The following TJP1 variants were observed in gnomAD, a reference collection of about 807,000 sequenced individuals.
TJP1 encodes the protein tight junction protein ZO-1.
Under a neutral mutation model 194.2 loss-of-function variants are expected in TJP1, and 43 were observed. That is an observed-to-expected ratio of 0.22 (90% CI 0.17 to 0.29). TJP1 has a LOEUF of 0.29. TJP1 is among the 10% of genes least tolerant of loss of function. TJP1 has a pLI of 1.00. For missense variants in TJP1, 1,971 were observed against 2,185.7 expected, an observed-to-expected ratio of 0.90 and a Z score of 1.96; for synonymous variants, 801 against 779.0, an observed-to-expected ratio of 1.03 and a Z score of -0.47.
At position 29,720,555 on chromosome 15, in the gene TJP1, G is replaced by C. The variant is rs772011543; in HGVS notation, c.2566C>G (p.Gln856Glu). ...TDTEGGAYTD[Q>E]ELDETLNDEV... Reference sequence around the variant, plus strand: ...TCATTAAGAGTTTCATCTAGTTCTTGATCAGTGTAGGCCCCGCCTTCTGTG... The same window carrying C: ...TCATTAAGAGTTTCATCTAGTTCTTCATCAGTGTAGGCCCCGCCTTCTGTG... The change falls in exon 19 of 28, where the codon CAA (glutamine) becomes GAA (glutamate). Residue 856 changes from glutamine to glutamate, a missense_variant. Gln to Glu is a conservative substitution (Grantham distance 29). Coordinates refer to ENST00000614355, the MANE Select transcript of TJP1 (RefSeq NM_001330239.4). 3 of 1,614,108 alleles carry C rather than the reference G, an allele frequency of 1.9e-6. No homozygotes were observed. Among genetic ancestry groups the C allele is most frequent in the Non-Finnish European group, 2.5e-6 (3 of 1,180,022 alleles).
intron 24 of TJP1, 141 bp from the exon 25 acceptor site, chr15:29,709,177 C>G: frequency 1.3e-6 from 1 of 755,888 alleles, no homozygotes; most frequent in South Asian, 1.8e-5. Context: ...GCCCTGGAGG[C>G]TAGGTGTGAT....
intron 2 of TJP1, among the ~76,000 whole-genome samples, chr15:29,781,517 A>G (rs902435406): frequency 6.6e-6 from 1 of 152,192 alleles, no homozygotes; most frequent in African/African-American, 2.4e-5. Flanking sequence ...CACAAAAAAC[A>G]AAACTTCAGG....
At chr15:29,772,009 G>T in intron 4 of TJP1, 55 bp downstream of exon 4, 2 of 1,085,828 alleles carry the variant, frequency 1.8e-6, no homozygotes, top group East Asian at 2.5e-5. Context: ...TACCAGAAAT[G>T]TATCAACAAT....
At chr15:29,960,994 C>T (rs1412043177) in intron 1 of TJP1, among the ~76,000 whole-genome samples, 1 of 152,144 alleles carries the variant, frequency 6.6e-6, no homozygotes, top group Non-Finnish European at 1.5e-5. Context: ...TTGTTTATTA[C>T]TGTCTTTAAA....
intron 8 of TJP1, among the ~76,000 whole-genome samples, chr15:29,758,042 T>A (rs1041619880): frequency 1.3e-5 from 2 of 152,224 alleles, no homozygotes; most frequent in African/African-American, 4.8e-5. Flanking sequence ...TATTTTCTCT[T>A]ATGATTTTCT....
chr15:29,866,387 T>G (rs1208738440), intron 2 of TJP1, among the ~76,000 whole-genome samples: 1 of 152,238 alleles, frequency 6.6e-6, no homozygotes, highest in Non-Finnish European at 1.5e-5. Flanking sequence ...ACAGTGTGTT[T>G]TGTTTATGAA....
At chr15:29,727,529 T>G (rs993519692) in intron 16 of TJP1, among the ~76,000 whole-genome samples, 3 of 152,190 alleles carry the variant, frequency 2.0e-5, no homozygotes, top group Non-Finnish European at 4.4e-5. Flanking sequence ...CTAAAAACCT[T>G]TCTATGAAGC....
chr15:29,911,697 C>T (rs546469140), intron 2 of TJP1, among the ~76,000 whole-genome samples: 91 of 152,316 alleles, frequency 6.0e-4, no homozygotes, highest in Admixed American at 2.6e-3. Context: ...CAGGTCCCTC[C>T]TCCAACACTG....
At chr15:29,907,083 T>C (rs2152213330) in intron 2 of TJP1, among the ~76,000 whole-genome samples, 1 of 152,248 alleles carries the variant, frequency 6.6e-6, no homozygotes, top group Non-Finnish European at 1.5e-5. Context: ...TACTTGTGTG[T>C]AGGTTTGAAA....
chr15:29,936,720 T>A (rs2152277565), intron 2 of TJP1, among the ~76,000 whole-genome samples: 1 of 152,270 alleles, frequency 6.6e-6, no homozygotes, highest in East Asian at 1.9e-4. Context: ...CCGCAAATTA[T>A]TAGGGGTCCC....
chr15:29,789,867 CCT>C (rs2047956197), intron 2 of TJP1, among the ~76,000 whole-genome samples: 1 of 152,218 alleles, frequency 6.6e-6, no homozygotes, highest in Non-Finnish European at 1.5e-5. Context: ...CTTTCTGATT[CCT>C]CTGTGTTTCT....
intron 8 of TJP1, among the ~76,000 whole-genome samples, 193 bp downstream of exon 8, chr15:29,760,946 T>C (rs998583791): frequency 6.6e-6 from 1 of 152,206 alleles, no homozygotes; most frequent in Non-Finnish European, 1.5e-5. Context: ...GATTGAAATA[T>C]GTTTACTATC....
chr15:29,766,762 C>T (rs1171868935), intron 4 of TJP1, among the ~76,000 whole-genome samples: 5 of 152,184 alleles, frequency 3.3e-5, no homozygotes, highest in East Asian at 1.9e-4. Context: ...CAAATAAGAA[C>T]GAGTGGGCCT....
At chr15:29,820,808 G>A (rs1476569757) in intron 1 of TJP1, 8 of 509,180 alleles carry the variant, frequency 1.6e-5, no homozygotes, top group Non-Finnish European at 2.5e-5. Context: ...AAGGTCAAAA[G>A]GTGCAAGTTA....
At chr15:29,826,437 TC>T (rs1378146872), upstream of TJP1, among the ~76,000 whole-genome samples, 1 of 152,136 alleles carries the variant, frequency 6.6e-6, no homozygotes, top group Non-Finnish European at 1.5e-5. Flanking sequence ...ATCTACACTT[TC>T]CTATGATTCC....
At chr15:29,803,989 T>C (rs1204662956) in intron 1 of TJP1, among the ~76,000 whole-genome samples, 3 of 151,044 alleles carry the variant, frequency 2.0e-5, no homozygotes, top group Non-Finnish European at 4.4e-5. Flanking sequence ...ACTTAATCCA[T>C]AATATAAGTG....
intron 2 of TJP1, among the ~76,000 whole-genome samples, chr15:29,836,632 C>T (rs1224972181): frequency 6.6e-6 from 1 of 152,118 alleles, no homozygotes; most frequent in African/African-American, 2.4e-5. Context: ...ACCATAACAA[C>T]ATAACATTGC....
intron 8 of TJP1, 155 bp from the exon 9 acceptor site, chr15:29,742,936 T>C: frequency 1.7e-6 from 1 of 580,936 alleles, no homozygotes; most frequent in Non-Finnish European, 2.6e-6. Flanking sequence ...TAATTAAAAA[T>C]AGAGCATTAC....
chr15:29,952,734 G>A (rs2055796820), intron 2 of TJP1, among the ~76,000 whole-genome samples: 1 of 152,160 alleles, frequency 6.6e-6, no homozygotes, highest in Non-Finnish European at 1.5e-5. Flanking sequence ...CTAAGTCTAA[G>A]CTTTCCTATT....
Sources: allele counts gnomAD v4.1 joint callset (sites outside exome capture counted in the v4.1 genomes callset), GRCh38; gene constraint gnomAD v4.1.1; transcripts MANE v1.5; gene names NCBI Gene and HGNC (gene_info 2026-07-23, HGNC 2026-07-21).